Variants in CGGBP1 observed in about 807,000 individuals in gnomAD.
CGGBP1 encodes CGG triplet repeat-binding protein 1.
Under a neutral mutation model 11.4 loss-of-function variants are expected in CGGBP1, and 4 were observed. The observed-to-expected ratio is 0.35, with a 90% CI of 0.17 to 0.80. The LOEUF (loss-of-function observed/expected upper bound fraction) is 0.80, where lower values mean the gene tolerates loss of function less well. CGGBP1 is among the 30% of genes least tolerant of loss of function. The probability of loss-of-function intolerance (pLI) is 0.52; values close to 1 mark genes in which losing one functional copy is unlikely to be tolerated. For synonymous variants in CGGBP1, 76 were observed against 74.1 expected (o/e 1.03, Z -0.13); for missense variants, 135 against 202.1 (o/e 0.67, Z 2.01).
chr3:88,112,033 G>A (rs1259022516), intron 2 of CGGBP1, among the ~76,000 whole-genome samples: 1 of 151,748 alleles, frequency 6.6e-6, no homozygotes, highest in African/African-American at 2.4e-5. Context: ...TTAAATTAAG[G>A]AAATCATCAA....
At chr3:88,087,825 G>T (rs1708416590) in intron 2 of CGGBP1, among the ~76,000 whole-genome samples, 2 of 152,170 alleles carry the variant, frequency 1.3e-5, no homozygotes, top group Non-Finnish European at 2.9e-5. Context: ...TTACGGACAG[G>T]TTGGGGTGGG....
At chr3:88,127,142 G>C (rs1706157622) in intron 2 of CGGBP1, among the ~76,000 whole-genome samples, 1 of 152,156 alleles carries the variant, frequency 6.6e-6, no homozygotes, top group South Asian at 2.1e-4. Flanking sequence ...AGCCAATGGA[G>C]TTTAGTTATG....
At chr3:88,065,030 TTAATTGCATCGA>T (rs1707115007) in intron 2 of CGGBP1, among the ~76,000 whole-genome samples, 1 of 152,250 alleles carries the variant, frequency 6.6e-6, no homozygotes, top group Non-Finnish European at 1.5e-5. Flanking sequence ...ATAATAATTT[TTAATTGCATCGA>T]TAATTGCATT....
chr3:88,104,835 T>A (rs2107732568), intron 2 of CGGBP1, among the ~76,000 whole-genome samples: 1 of 152,304 alleles, frequency 6.6e-6, no homozygotes, highest in South Asian at 2.1e-4. Context: ...AATCTAAGCA[T>A]ATTAAAAATT....
chr3:88,096,357 A>G (rs916068118), intron 2 of CGGBP1, among the ~76,000 whole-genome samples: 1 of 152,078 alleles, frequency 6.6e-6, no homozygotes, highest in African/African-American at 2.4e-5. Context: ...AGGAAGCAGC[A>G]CCGATTTGTG....
chr3:88,064,099 C>G (rs1333688682), intron 2 of CGGBP1, among the ~76,000 whole-genome samples: 1 of 117,982 alleles, frequency 8.5e-6, no homozygotes, highest in Non-Finnish European at 1.8e-5. Flanking sequence ...TATTGAATAA[C>G]GAGCTTCTTC....
At chr3:88,093,880 G>A (rs1465720975) in intron 2 of CGGBP1, among the ~76,000 whole-genome samples, 1 of 152,156 alleles carries the variant, frequency 6.6e-6, no homozygotes, top group Non-Finnish European at 1.5e-5. Flanking sequence ...CCCCACAAAA[G>A]GTGTTTGTAT....
rs1553689853 is a variant in CGGBP1 at position 88,058,922 on chromosome 3, T to TGCC, written c.-441_-439dup. ...ATAAGGGAGGAGGAGGATCCGTCGC[T>TGCC]GCCGCCGTCGCCGCCGTTGCCCGAT... On this transcript the variant is annotated 5_prime_UTR_variant, in exon 1 of 4. Coordinates refer to ENST00000482016, the MANE Select transcript of CGGBP1 (RefSeq NM_001008390.2). 5.2e-6 allele frequency: 1 copy of TGCC among 192,726 alleles called. No individual in the cohort carries two copies. The highest frequency in any genetic ancestry group is 1.5e-4 in the East Asian group (1 of 6,582). 11.9% of individuals were successfully genotyped at this position (192,726 alleles called of 1,614,324 possible). A position where few individuals can be genotyped will look rare whatever the true frequency, so the allele number is the denominator to read the frequency against.
chr3:88,119,412 G>GTT (rs1705629964), intron 2 of CGGBP1, among the ~76,000 whole-genome samples: 1 of 69,142 alleles, frequency 1.4e-5, no homozygotes. Flanking sequence ...GGAGGGGGGA[G>GTT]GGATAGCATT....
chr3:88,141,113 T>C (rs1049584316), intron 1 of CGGBP1: 3 of 1,507,680 alleles, frequency 2.0e-6, no homozygotes, highest in South Asian at 1.4e-5. Context: ...ATAAAACTAT[T>C]ATAGATCTTT....
At chr3:88,115,018 T>G (rs1184292398) in intron 2 of CGGBP1, among the ~76,000 whole-genome samples, 1 of 152,202 alleles carries the variant, frequency 6.6e-6, no homozygotes, top group African/African-American at 2.4e-5. Context: ...TCCATACATC[T>G]TTCATACAGA....
chr3:88,073,930 A>T (rs1707652631), intron 2 of CGGBP1, among the ~76,000 whole-genome samples: 1 of 152,200 alleles, frequency 6.6e-6, no homozygotes, highest in African/African-American at 2.4e-5. Flanking sequence ...ACTTAAGAGT[A>T]TACGGCTTTT....
chr3:88,139,950 G>T (rs778253782), intron 2 of CGGBP1: 3 of 1,613,346 alleles, frequency 1.9e-6, no homozygotes, highest in Non-Finnish European at 2.5e-6. Flanking sequence ...TAAAAGAATT[G>T]GGTTTCTAAA....
At chr3:88,070,593 G>A (rs4273396) in intron 2 of CGGBP1, among the ~76,000 whole-genome samples, 111,337 of 136,118 alleles carry the variant, frequency 0.82, 45,378 homozygotes, top group South Asian at 0.92. Flanking sequence ...TTTTTTTGCA[G>A]ATCATATTGG....
At chr3:88,057,347 T>C (rs1189310947) in intron 2 of CGGBP1, 55 bp from the exon 3 acceptor site, 1 of 152,084 alleles carries the variant, frequency 6.6e-6, no homozygotes, top group African/African-American at 2.4e-5. Flanking sequence ...TCCACTTTTT[T>C]TTTTTTTTTA....
chr3:88,063,905 G>A (rs1237201758), upstream of CGGBP1, among the ~76,000 whole-genome samples: 1 of 152,098 alleles, frequency 6.6e-6, no homozygotes, highest in Non-Finnish European at 1.5e-5. Context: ...CCCAGTGGCA[G>A]GAGCTGGTTG....
At chr3:88,069,542 G>A (rs1370080527) in intron 2 of CGGBP1, among the ~76,000 whole-genome samples, 2 of 152,196 alleles carry the variant, frequency 1.3e-5, no homozygotes, top group Admixed American at 1.3e-4. Flanking sequence ...ACTTATCGAA[G>A]TTATAACTAC....
chr3:88,133,003 A>G (rs114281755), intron 2 of CGGBP1, among the ~76,000 whole-genome samples: 1 of 152,182 alleles, frequency 6.6e-6, no homozygotes, highest in African/African-American at 2.4e-5. Context: ...GATACTGCTA[A>G]TGTTTTTCAA....
chr3:88,080,282 A>G (rs1357232856), intron 2 of CGGBP1, among the ~76,000 whole-genome samples: 4 of 152,132 alleles, frequency 2.6e-5, no homozygotes, highest in Non-Finnish European at 4.4e-5. Flanking sequence ...TGGAAACATA[A>G]TGAACCAGTT....
Sources: gnomAD v4.1 joint callset for allele counts (sites outside exome capture counted in the v4.1 genomes callset) on GRCh38, gnomAD v4.1.1 for gene constraint, MANE v1.5 for transcripts, NCBI Gene and HGNC (gene_info 2026-07-23, HGNC 2026-07-21) for gene names.